LRRC4C: variants seen among roughly 807,000 people sequenced by gnomAD.
LRRC4C encodes leucine-rich repeat-containing protein 4C.
LRRC4C carries 5 observed loss-of-function variants against 33.6 expected under a neutral mutation model. The observed-to-expected ratio is 0.15, with a 90% CI of 0.08 to 0.31. The LOEUF is 0.31. Ranked by LOEUF, LRRC4C falls within the 10% of genes least tolerant of loss-of-function variation. The pLI is 1.00. For synonymous variants in LRRC4C, 329 were observed against 302.0 expected (o/e 1.09, Z -0.93); for missense variants, 560 against 796.7 (o/e 0.70, Z 3.58).
intron 1 of LRRC4C, among the ~76,000 whole-genome samples, chr11:41,259,134 G>C (rs765406930): frequency 2.6e-5 from 4 of 151,928 alleles, no homozygotes; most frequent in Non-Finnish European, 4.4e-5. Context: ...AGGGCAGTGA[G>C]AGTTTATTTG....
intron 3 of LRRC4C, among the ~76,000 whole-genome samples, chr11:40,421,425 G>C (rs552753675): frequency 6.6e-6 from 1 of 152,154 alleles, no homozygotes; most frequent in Non-Finnish European, 1.5e-5. Context: ...CCAGCCAGTC[G>C]CTTGTGGGCA....
At chr11:40,910,639 T>C (rs1565193277) in intron 2 of LRRC4C, among the ~76,000 whole-genome samples, 2 of 152,150 alleles carry the variant, frequency 1.3e-5, no homozygotes, top group Non-Finnish European at 2.9e-5. Flanking sequence ...AGAAGAATGA[T>C]TTCTGCATTT....
At chr11:41,186,246 C>G (rs1414332868) in intron 1 of LRRC4C, among the ~76,000 whole-genome samples, 2 of 152,006 alleles carry the variant, frequency 1.3e-5, no homozygotes, top group Non-Finnish European at 2.9e-5. Flanking sequence ...AGCATCAGCA[C>G]AGTAATGAAA....
chr11:41,368,222 G>A (rs776628919), intron 1 of LRRC4C, among the ~76,000 whole-genome samples: 1 of 152,102 alleles, frequency 6.6e-6, no homozygotes, highest in Non-Finnish European at 1.5e-5. Flanking sequence ...CCTACACTCC[G>A]ATAAATTGCC....
chr11:41,395,638 A>G (rs1953778890), intron 1 of LRRC4C, among the ~76,000 whole-genome samples: 1 of 152,022 alleles, frequency 6.6e-6, no homozygotes, highest in African/African-American at 2.4e-5. Context: ...GTAAAATATC[A>G]AGATCAAGGA....
intron 2 of LRRC4C, among the ~76,000 whole-genome samples, chr11:40,923,872 C>T (rs1957296051): frequency 6.6e-6 from 1 of 152,140 alleles, no homozygotes; most frequent in South Asian, 2.1e-4. Context: ...GTTGGGCATT[C>T]TTCTATAGAA....
At chr11:40,706,971 C>T (rs549931344) in intron 2 of LRRC4C, among the ~76,000 whole-genome samples, 67 of 152,244 alleles carry the variant, frequency 4.4e-4, no homozygotes, top group Non-Finnish European at 2.8e-4. Context: ...CTCTTTGTAG[C>T]AATTGTGAAT....
At chr11:40,391,697 C>T (rs898968431) in intron 3 of LRRC4C, among the ~76,000 whole-genome samples, 5 of 152,062 alleles carry the variant, frequency 3.3e-5, no homozygotes, top group South Asian at 2.1e-4. Context: ...CTGTTTTTAC[C>T]GGTCAAATGT....
chr11:40,775,407 CTG>C (rs1949949506), intron 2 of LRRC4C, among the ~76,000 whole-genome samples: 1 of 79,526 alleles, frequency 1.3e-5, no homozygotes, highest in Non-Finnish European at 2.6e-5. Flanking sequence ...AGGCGAGACT[CTG>C]TTTCAAAAAA....
chr11:40,731,359 C>A (rs909045186), intron 2 of LRRC4C, among the ~76,000 whole-genome samples: 1 of 151,798 alleles, frequency 6.6e-6, no homozygotes, highest in Non-Finnish European at 1.5e-5. Context: ...GGCACCTCCT[C>A]TCCCCACCGC....
intron 1 of LRRC4C, among the ~76,000 whole-genome samples, chr11:41,107,263 T>C (rs1231364843): frequency 2.0e-5 from 3 of 152,072 alleles, no homozygotes; most frequent in Non-Finnish European, 2.9e-5. Flanking sequence ...AATAAACACC[T>C]TCTAATGCAG....
intron 1 of LRRC4C, among the ~76,000 whole-genome samples, chr11:40,961,578 A>C (rs1431617184): frequency 6.6e-6 from 1 of 151,778 alleles, no homozygotes; most frequent in African/African-American, 2.4e-5. Flanking sequence ...GGGGAATAAA[A>C]AGGAAGTTAA....
At chr11:41,270,615 C>T (rs990015536) in intron 1 of LRRC4C, among the ~76,000 whole-genome samples, 6 of 152,140 alleles carry the variant, frequency 3.9e-5, no homozygotes, top group East Asian at 1.9e-4. Flanking sequence ...CAAATAAAAC[C>T]GTACCATTGC....
intron 1 of LRRC4C, among the ~76,000 whole-genome samples, chr11:41,053,438 T>C (rs1389302715): frequency 2.6e-5 from 4 of 152,168 alleles, no homozygotes; most frequent in Non-Finnish European, 5.9e-5. Flanking sequence ...AAGAAGATCC[T>C]TTCTTAGACA....
chr11:40,914,763 T>C (rs924144962), intron 2 of LRRC4C, among the ~76,000 whole-genome samples: 1 of 152,196 alleles, frequency 6.6e-6, no homozygotes, highest in African/African-American at 2.4e-5. Flanking sequence ...AAATTGTCCC[T>C]GTTTGCAGAT....
At chr11:40,465,552 T>C (rs1952610770) in intron 3 of LRRC4C, among the ~76,000 whole-genome samples, 1 of 151,860 alleles carries the variant, frequency 6.6e-6, no homozygotes, top group African/African-American at 2.4e-5. Flanking sequence ...ACTATGCCTT[T>C]AACAAAGGAC....
chr11:41,074,735 A>G (rs1938976603), intron 1 of LRRC4C, among the ~76,000 whole-genome samples: 1 of 151,718 alleles, frequency 6.6e-6, no homozygotes, highest in South Asian at 2.1e-4. Context: ...GTCCTTGAAA[A>G]CTCTGCAATT....
chr11:40,564,140 C>T (rs1313624523), intron 3 of LRRC4C, among the ~76,000 whole-genome samples: 2 of 152,160 alleles, frequency 1.3e-5, no homozygotes, highest in East Asian at 1.9e-4. Context: ...AATTTGTTGA[C>T]TTGTGGGTAC....
chr11:41,352,068 T>C (rs1001378618), intron 1 of LRRC4C, among the ~76,000 whole-genome samples: 3 of 151,672 alleles, frequency 2.0e-5, no homozygotes, highest in African/African-American at 4.8e-5. Context: ...AGGCATAGAG[T>C]GACAAGTTGG....
Sources: allele counts gnomAD v4.1 joint callset (sites outside exome capture counted in the v4.1 genomes callset), GRCh38; gene constraint gnomAD v4.1.1; transcripts MANE v1.5; gene names NCBI Gene and HGNC (gene_info 2026-07-23, HGNC 2026-07-21).